The following SKI variants were observed in gnomAD, a reference collection of about 807,000 sequenced individuals.
SKI encodes SKI proto-oncogene.
In SKI, 23 loss-of-function variants were observed where a neutral mutation model predicts 59.3. That is an observed-to-expected ratio of 0.39 (90% CI 0.28 to 0.55). The LOEUF is 0.55. Ranked by LOEUF, SKI falls within the 20% of genes least tolerant of loss-of-function variation. SKI has a pLI of 0.67. For synonymous variants in SKI, 673 were observed against 488.6 expected, an observed-to-expected ratio of 1.38 and a Z score of -4.98; for missense variants, 1,017 against 1,038.9, an observed-to-expected ratio of 0.98 and a Z score of 0.29.
At chr1:2,300,000 G>A (rs943143736) in intron 1 of SKI, among the ~76,000 whole-genome samples, 5 of 152,238 alleles carry the variant, frequency 3.3e-5, no homozygotes, top group Non-Finnish European at 7.3e-5. Flanking sequence ...CATAGGTCCT[G>A]TGGGCTTTGC....
chr1:2,284,195 C>A (rs565959536), intron 1 of SKI, among the ~76,000 whole-genome samples: 1 of 152,260 alleles, frequency 6.6e-6, no homozygotes, highest in Admixed American at 6.5e-5. Context: ...GCTCTGGCCC[C>A]AACACAGCGT....
At chr1:2,287,840 G>T (rs1346883740) in intron 1 of SKI, among the ~76,000 whole-genome samples, 1 of 152,180 alleles carries the variant, frequency 6.6e-6, no homozygotes, top group Non-Finnish European at 1.5e-5. Flanking sequence ...GTGTGTCCCC[G>T]ATGGACCAGC....
At chr1:2,306,377 C>T (rs1640578634) in intron 6 of SKI, 127 bp downstream of exon 6, 7 of 1,033,048 alleles carry the variant, frequency 6.8e-6, no homozygotes, top group South Asian at 6.6e-5. Context: ...ACGTTCCGTG[C>T]GTGCCCCCCC....
Position 2,303,252 on chromosome 1 carries a change from T to G in SKI, c.1096-33T>G, listed in dbSNP as rs753543014. 2.5e-6 allele frequency: 4 copies of G among 1,608,770 alleles called. No homozygotes were observed. The highest frequency in any genetic ancestry group is 3.4e-6 in the Non-Finnish European group (4 of 1,176,720). On this transcript the variant is annotated intron_variant, in intron 2 of 6. Coordinates refer to ENST00000378536, the MANE Select transcript of SKI (RefSeq NM_003036.4). The surrounding 1 kb of genome is among the most constrained non-coding windows in gnomAD (Gnocchi z 5.6). ...GACATGAAGTGGCTTGTTTTTCTCC[T>G]GGTCACTCACACAGACAACTCTTTC...
In SKI at chr1:2,297,914, G is replaced by A. The variant is rs115639439; in HGVS notation, c.970-5064G>A. 9.1e-3 allele frequency among the ~76,000 whole-genome samples: 1,381 copies of A among 152,364 alleles called. 20 individuals are homozygous for A. The highest frequency in any genetic ancestry group is 0.031 in the African/African-American group (1,300 of 41,584). On this transcript the variant is annotated intron_variant, in intron 1 of 6. Coordinates refer to ENST00000378536, the MANE Select transcript of SKI (RefSeq NM_003036.4). ...CTGCAGCCTGGCAGGAGAAGACGCT[G>A]AGGGGACGCACGGGAGGGGTTGCAG...
chr1:2,242,174 C>T (rs1638894839), intron 1 of SKI, among the ~76,000 whole-genome samples: 1 of 152,224 alleles, frequency 6.6e-6, no homozygotes, highest in Non-Finnish European at 1.5e-5. Context: ...TGGTGTGGCC[C>T]CCAGCCGCTA....
At chr1:2,230,648 G>A (rs1476695006) in intron 1 of SKI, among the ~76,000 whole-genome samples, 1 of 152,140 alleles carries the variant, frequency 6.6e-6, no homozygotes, top group Admixed American at 6.5e-5. Context: ...CCCAGGCCAC[G>A]AGGTGCCGAA....
At chr1:2,276,085 T>C (rs561104837) in intron 1 of SKI, among the ~76,000 whole-genome samples, 3 of 152,344 alleles carry the variant, frequency 2.0e-5, no homozygotes, top group Non-Finnish European at 4.4e-5. Flanking sequence ...GAGCAAGGGC[T>C]GGTTGCTCCG....
At chr1:2,283,781 C>T (rs187778349) in intron 1 of SKI, among the ~76,000 whole-genome samples, 145 of 152,346 alleles carry the variant, frequency 9.5e-4, no homozygotes, top group African/African-American at 3.4e-3. Flanking sequence ...GTACGGGAGG[C>T]CCGTCCACTA....
intron 1 of SKI, among the ~76,000 whole-genome samples, chr1:2,234,787 C>A (rs1025622173): frequency 6.6e-6 from 1 of 152,252 alleles, no homozygotes; most frequent in Non-Finnish European, 1.5e-5. Context: ...TAAAAAGTTT[C>A]TTTGTTTTGA....
chr1:2,284,662 C>G (rs967008035), intron 1 of SKI, among the ~76,000 whole-genome samples: 2 of 152,166 alleles, frequency 1.3e-5, no homozygotes, highest in African/African-American at 4.8e-5. Flanking sequence ...GGGCCTCTTG[C>G]GGCGGCTCCC....
In SKI at chr1:2,228,399, G is replaced by A. The variant is rs1162051035; in HGVS notation, c.-368G>A. On this transcript the variant is annotated 5_prime_UTR_variant, in exon 1 of 7. Coordinates refer to ENST00000378536, the MANE Select transcript of SKI (RefSeq NM_003036.4). ...CGGCACCTGCCCGCGCGCCCCCCGCGAGCCCCGGGCCCGCGAGCGTTGGCG... is the reference window on the plus strand; with the variant it reads ...CGGCACCTGCCCGCGCGCCCCCCGCAAGCCCCGGGCCCGCGAGCGTTGGCG... Among the ~76,000 whole-genome samples the A allele has an allele frequency of 2.1e-4, 30 of 140,964 alleles. No homozygotes were observed. Among genetic ancestry groups the A allele is most frequent in the Non-Finnish European group, 4.7e-4 (30 of 64,022 alleles). The allele number at this position is 140,964 out of a possible 152,430, so 92.5% of individuals were successfully genotyped here.
intron 1 of SKI, among the ~76,000 whole-genome samples, chr1:2,300,075 AGCCCT>A (rs1241476538): frequency 6.6e-6 from 1 of 152,176 alleles, no homozygotes; most frequent in Non-Finnish European, 1.5e-5. Context: ...TCCTCAGCCC[AGCCCT>A]GCCCTGCCCT....
rs1253539827 is a variant in SKI at position 2,229,336 on chromosome 1, C to T, written c.570C>T (p.Leu190=). Reference sequence around the variant, plus strand: ...CCGAGCGCCTGTGCAACGCGCTGCTCTACGGCGGCGCCTACCCGCCGCCCT... The same window carrying T: ...CCGAGCGCCTGTGCAACGCGCTGCTTTACGGCGGCGCCTACCCGCCGCCCT... The part of the protein sequence containing the change: ...TDAERLCNAL[L]YGGAYPPPCK... Residue 190 remains leucine (L), a synonymous_variant, in exon 1 of 7, where the codon CTC becomes CTT. Coordinates refer to ENST00000378536, the MANE Select transcript of SKI (RefSeq NM_003036.4). This position sits in a 1 kb window ranked among gnomAD's most constrained non-coding sequence, Gnocchi z 6.3. The T allele has an allele frequency of 6.3e-7, 1 of 1,595,450 alleles. No homozygotes were observed. Among genetic ancestry groups the T allele is most frequent in the Admixed American group, 1.7e-5 (1 of 57,732 alleles).
At chr1:2,271,379 C>T (rs1021488391) in intron 1 of SKI, among the ~76,000 whole-genome samples, 3 of 152,002 alleles carry the variant, frequency 2.0e-5, no homozygotes, top group African/African-American at 7.2e-5. Flanking sequence ...GGAGAGGTCC[C>T]CCACAGGAGC....
At chr1:2,277,736 C>A (rs748382519) in intron 1 of SKI, among the ~76,000 whole-genome samples, 1 of 150,186 alleles carries the variant, frequency 6.7e-6, no homozygotes, top group Non-Finnish European at 1.5e-5. Context: ...GGTGCACACA[C>A]CTGCACTCAC....
intron 1 of SKI, among the ~76,000 whole-genome samples, chr1:2,230,633 C>T (rs1029935434): frequency 1.3e-5 from 2 of 152,292 alleles, no homozygotes; most frequent in East Asian, 1.9e-4. Flanking sequence ...CCGGCATGGG[C>T]AGCTCCCAGG....
intron 1 of SKI, among the ~76,000 whole-genome samples, chr1:2,254,733 CGTGT>C (rs139901487): frequency 2.7e-5 from 4 of 150,854 alleles, no homozygotes; most frequent in East Asian, 2.0e-4. Flanking sequence ...TCACTGCGTG[CGTGT>C]GTGTGTGTGT....
chr1:2,283,021 A>G (rs1179715193), intron 1 of SKI, among the ~76,000 whole-genome samples: 1 of 152,150 alleles, frequency 6.6e-6, no homozygotes, highest in African/African-American at 2.4e-5. Context: ...CTCATCTGCC[A>G]GCAGCTCCTG....
Sources: allele counts gnomAD v4.1 joint callset (sites outside exome capture counted in the v4.1 genomes callset), GRCh38; gene constraint gnomAD v4.1.1; non-coding constraint Gnocchi (gnomAD v3.1); transcripts MANE v1.5; gene names NCBI Gene and HGNC (gene_info 2026-07-23, HGNC 2026-07-21).